ILRUN: variants seen among roughly 807,000 people sequenced by gnomAD.
ILRUN encodes the protein inflammation and lipid regulator with UBA-like and NBR1-like domains.
ILRUN carries 3 observed loss-of-function variants against 33.8 expected under a neutral mutation model. The observed-to-expected ratio is 0.09, with a 90% CI of 0.04 to 0.23. The LOEUF is 0.23. Ranked by LOEUF, ILRUN falls within the 10% of genes least tolerant of loss-of-function variation. ILRUN has a pLI of 1.00. For synonymous variants in ILRUN, 124 were observed against 138.9 expected (o/e 0.89, Z 0.75); for missense variants, 210 against 375.1 (o/e 0.56, Z 3.64).
intron 3 of ILRUN, among the ~76,000 whole-genome samples, chr6:34,642,982 A>G (rs1472573529): frequency 1.4e-5 from 2 of 143,474 alleles, no homozygotes; most frequent in African/African-American, 5.1e-5. Context: ...GACCAAGGAG[A>G]AAAAAAAAAA....
At chr6:34,681,113 T>G (rs927986173) in intron 1 of ILRUN, among the ~76,000 whole-genome samples, 1 of 152,126 alleles carries the variant, frequency 6.6e-6, no homozygotes, top group Non-Finnish European at 1.5e-5. Flanking sequence ...GAAAGCACTT[T>G]AGAAGCACAT....
At chr6:34,600,009 C>G (rs1761475954) in intron 4 of ILRUN, among the ~76,000 whole-genome samples, 1 of 152,228 alleles carries the variant, frequency 6.6e-6, no homozygotes, top group African/African-American at 2.4e-5. Context: ...CCTCTGCTGC[C>G]ACCAACCTGA....
intron 3 of ILRUN, among the ~76,000 whole-genome samples, chr6:34,622,148 G>T (rs553110610): frequency 6.6e-6 from 1 of 152,052 alleles, no homozygotes; most frequent in African/African-American, 2.4e-5. Context: ...AAAACTCCTA[G>T]AAAAAAGCTT....
At chr6:34,687,922 A>T (rs997582155) in intron 1 of ILRUN, among the ~76,000 whole-genome samples, 2 of 151,974 alleles carry the variant, frequency 1.3e-5, no homozygotes, top group Non-Finnish European at 2.9e-5. Context: ...TTCCATTCCT[A>T]GATACATACC....
At chr6:34,637,029 A>C (rs1762378817) in intron 3 of ILRUN, among the ~76,000 whole-genome samples, 1 of 152,162 alleles carries the variant, frequency 6.6e-6, no homozygotes, top group Admixed American at 6.5e-5. Flanking sequence ...GGACCATCTA[A>C]TGTTTTCATT....
At chr6:34,627,589 G>A (rs1762163675) in intron 3 of ILRUN, among the ~76,000 whole-genome samples, 1 of 151,856 alleles carries the variant, frequency 6.6e-6, no homozygotes, top group Admixed American at 6.6e-5. Context: ...TCTCATAGTT[G>A]TTTTAACTTG....
chr6:34,692,335 A>G (rs1452877360), intron 1 of ILRUN, among the ~76,000 whole-genome samples: 1 of 152,144 alleles, frequency 6.6e-6, no homozygotes, highest in Admixed American at 6.5e-5. Context: ...TTATTTTCTA[A>G]TAGACAACTG....
At chr6:34,618,429 A>C (rs1246197410) in intron 3 of ILRUN, among the ~76,000 whole-genome samples, 1 of 152,108 alleles carries the variant, frequency 6.6e-6, no homozygotes, top group Non-Finnish European at 1.5e-5. Flanking sequence ...CCTAAACCCT[A>C]ATTATTCCTG....
chr6:34,642,078 G>A (rs1762485143), intron 3 of ILRUN, among the ~76,000 whole-genome samples: 1 of 152,184 alleles, frequency 6.6e-6, no homozygotes, highest in Non-Finnish European at 1.5e-5. Flanking sequence ...CCAATTCATA[G>A]TGAAGTTTGA....
chr6:34,668,366 A>G (rs952642146), intron 1 of ILRUN, among the ~76,000 whole-genome samples: 6 of 152,212 alleles, frequency 3.9e-5, no homozygotes, highest in Non-Finnish European at 8.8e-5. Context: ...AAAAATTCAA[A>G]TGTACATCAA....
chr6:34,609,712 T>C (rs1435718005), intron 3 of ILRUN, among the ~76,000 whole-genome samples: 1 of 152,064 alleles, frequency 6.6e-6, no homozygotes, highest in Admixed American at 6.5e-5. Context: ...CAGCTAAGAG[T>C]CAGGCCCTAG....
chr6:34,680,928 TA>T (rs1763346366), intron 1 of ILRUN, among the ~76,000 whole-genome samples: 2 of 151,790 alleles, frequency 1.3e-5, no homozygotes, highest in Non-Finnish European at 2.9e-5. Context: ...GTTTATGTCA[TA>T]AAAAAATACA....
intron 3 of ILRUN, among the ~76,000 whole-genome samples, chr6:34,637,316 T>C (rs1344588187): frequency 6.6e-6 from 1 of 152,214 alleles, no homozygotes; most frequent in East Asian, 1.9e-4. Flanking sequence ...AAACAGTCAA[T>C]GGTTTTACAA....
chr6:34,638,320 C>T (rs1035604897), intron 3 of ILRUN, among the ~76,000 whole-genome samples: 1 of 152,220 alleles, frequency 6.6e-6, no homozygotes, highest in Non-Finnish European at 1.5e-5. Flanking sequence ...CATCTCATAA[C>T]ATAATATTTT....
chr6:34,613,540 A>C (rs1761804346), intron 3 of ILRUN, among the ~76,000 whole-genome samples: 1 of 152,212 alleles, frequency 6.6e-6, no homozygotes, highest in Non-Finnish European at 1.5e-5. Context: ...ATAATTCTGA[A>C]ACTGCTGTCA....
intron 3 of ILRUN, among the ~76,000 whole-genome samples, chr6:34,626,531 C>T (rs1762135435): frequency 6.6e-6 from 1 of 152,132 alleles, no homozygotes; most frequent in Non-Finnish European, 1.5e-5. Context: ...AGAGATATTT[C>T]CCCCACATAT....
rs1425028368 is a variant in ILRUN at position 34,592,440 on chromosome 6, C to G, written c.862-1840G>C. 6.6e-6 allele frequency among the ~76,000 whole-genome samples: 1 copy of G among 152,230 alleles called. No individual in the cohort carries two copies. Among genetic ancestry groups the G allele is most frequent in the Non-Finnish European group, 1.5e-5 (1 of 68,044 alleles). On this transcript the variant is annotated intron_variant, in intron 4 of 4. Coordinates refer to ENST00000374023, the MANE Select transcript of ILRUN (RefSeq NM_024294.4). The surrounding 1 kb of genome is among the most constrained non-coding windows in gnomAD (Gnocchi z 4.0). ...GAGCTATGAACCATCTCAGCAGCCACAGCATCCACCCACTCAAGCAAGTGT... is the reference window on the plus strand; with the variant it reads ...GAGCTATGAACCATCTCAGCAGCCAGAGCATCCACCCACTCAAGCAAGTGT...
chr6:34,627,681 G>A (rs900440767), intron 3 of ILRUN, among the ~76,000 whole-genome samples: 1 of 149,708 alleles, frequency 6.7e-6, no homozygotes, highest in African/African-American at 2.5e-5. Flanking sequence ...TCTTTGGTGA[G>A]ATATCTGTTC....
At chr6:34,599,976 C>T (rs1582032595) in intron 4 of ILRUN, among the ~76,000 whole-genome samples, 1 of 152,160 alleles carries the variant, frequency 6.6e-6, no homozygotes, top group East Asian at 1.9e-4. Context: ...CAATATAGAT[C>T]CGGACATGGA....
Sources: gnomAD v4.1 joint callset for allele counts (sites outside exome capture counted in the v4.1 genomes callset) on GRCh38, gnomAD v4.1.1 for gene constraint, Gnocchi (gnomAD v3.1) non-coding constraint, MANE v1.5 for transcripts, NCBI Gene and HGNC (gene_info 2026-07-23, HGNC 2026-07-21) for gene names.